Variants in MECOM observed in about 807,000 individuals in gnomAD.
The protein encoded by MECOM is MDS1 and EVI1 complex locus, also known as histone-lysine N-methyltransferase MECOM.
A neutral mutation model predicts 116.3 loss-of-function variants in MECOM; 13 were observed. That is an observed-to-expected ratio of 0.11 (90% CI 0.07 to 0.18). MECOM has a LOEUF of 0.18. Ranked by LOEUF, MECOM falls within the 10% of genes least tolerant of loss-of-function variation. The probability of loss-of-function intolerance (pLI) is 1.00; values close to 1 mark genes in which losing one functional copy is unlikely to be tolerated. For synonymous variants in MECOM, 528 were observed against 535.2 expected, an observed-to-expected ratio of 0.99 and a Z score of 0.19; for missense variants, 1,299 against 1,509.0, an observed-to-expected ratio of 0.86 and a Z score of 2.31.
At chr3:169,125,312 C>A (rs1274761204) in intron 5 of MECOM, among the ~76,000 whole-genome samples, 1 of 152,078 alleles carries the variant, frequency 6.6e-6, no homozygotes, top group South Asian at 2.1e-4. Flanking sequence ...GGGACATCCT[C>A]CAAAATCACT....
chr3:169,313,711 GA>G (rs1356431310), intron 2 of MECOM, among the ~76,000 whole-genome samples: 1 of 152,202 alleles, frequency 6.6e-6, no homozygotes, highest in East Asian at 1.9e-4. Flanking sequence ...GTGAAGAGGG[GA>G]AAAGGTATAG....
intron 2 of MECOM, among the ~76,000 whole-genome samples, chr3:169,262,035 A>T (rs1202300949): frequency 1.3e-5 from 2 of 152,168 alleles, no homozygotes; most frequent in Non-Finnish European, 2.9e-5. Context: ...TGTTTATGGA[A>T]CGTCTACCCT....
chr3:169,584,834 T>G (rs934971292), intron 1 of MECOM, among the ~76,000 whole-genome samples: 10 of 152,146 alleles, frequency 6.6e-5, no homozygotes, highest in African/African-American at 2.4e-4. Flanking sequence ...TATTCACATT[T>G]TAAAGAATGA....
At chr3:169,483,869 G>A (rs957317501) in intron 1 of MECOM, 38 of 1,610,846 alleles carry the variant, frequency 2.4e-5, no homozygotes, top group Non-Finnish European at 3.1e-5. Context: ...TGCTCCTTTC[G>A]ATGGTCACCA....
At chr3:169,573,200 G>A (rs546316582) in intron 1 of MECOM, among the ~76,000 whole-genome samples, 12 of 152,218 alleles carry the variant, frequency 7.9e-5, no homozygotes, top group Non-Finnish European at 1.6e-4. Context: ...GGAGGGAGCC[G>A]GTTTTGTTTT....
intron 2 of MECOM, among the ~76,000 whole-genome samples, chr3:169,341,964 T>C (rs1195958507): frequency 6.6e-6 from 1 of 152,132 alleles, no homozygotes; most frequent in Non-Finnish European, 1.5e-5. Flanking sequence ...CATACATATA[T>C]ACACCCACTA....
At chr3:169,607,876 C>T (rs1272981949) in intron 1 of MECOM, among the ~76,000 whole-genome samples, 3 of 152,184 alleles carry the variant, frequency 2.0e-5, no homozygotes, top group African/African-American at 7.2e-5. Context: ...GGGTTTTATC[C>T]CCTCTTCCTT....
intron 4 of MECOM, 47 bp downstream of exon 4, chr3:169,131,382 A>C: frequency 2.4e-5 from 34 of 1,396,256 alleles, no homozygotes; most frequent in Non-Finnish European, 3.2e-5. Flanking sequence ...GCTACTTTAT[A>C]GTCGCGATGA....
At chr3:169,345,645 G>A (rs139544148) in intron 2 of MECOM, among the ~76,000 whole-genome samples, 30 of 152,208 alleles carry the variant, frequency 2.0e-4, no homozygotes, top group Non-Finnish European at 3.4e-4. Flanking sequence ...TCATTACCAG[G>A]AGAGCTGAAG....
intron 1 of MECOM, among the ~76,000 whole-genome samples, chr3:169,442,226 A>G (rs954119938): frequency 2.0e-5 from 3 of 151,962 alleles, no homozygotes; most frequent in African/African-American, 7.3e-5. Flanking sequence ...ATATCCAGCC[A>G]ATTTTTGTAT....
intron 1 of MECOM, among the ~76,000 whole-genome samples, chr3:169,388,199 C>A (rs570259120): frequency 4.6e-5 from 7 of 152,046 alleles, no homozygotes; most frequent in African/African-American, 1.7e-4. Flanking sequence ...GCTAACAGTG[C>A]GGCAGGGAAG....
chr3:169,433,239 C>G (rs539450169), intron 1 of MECOM, among the ~76,000 whole-genome samples: 1 of 152,076 alleles, frequency 6.6e-6, no homozygotes, highest in South Asian at 2.1e-4. Flanking sequence ...GAGGCCAAGG[C>G]GGGTGGATCA....
At chr3:169,132,522 A>G (rs1387486713) in intron 3 of MECOM, among the ~76,000 whole-genome samples, 1 of 152,172 alleles carries the variant, frequency 6.6e-6, no homozygotes, top group Non-Finnish European at 1.5e-5. Context: ...TTATTAAACA[A>G]TCCCATAATC....
chr3:169,522,843 G>C (rs755513614), intron 1 of MECOM, among the ~76,000 whole-genome samples: 1 of 152,200 alleles, frequency 6.6e-6, no homozygotes, highest in African/African-American at 2.4e-5. Flanking sequence ...CTCTGAAGTA[G>C]TGAATGTTTT....
chr3:169,296,375 CA>C (rs1237520222), intron 2 of MECOM, among the ~76,000 whole-genome samples: 2 of 152,182 alleles, frequency 1.3e-5, no homozygotes, highest in African/African-American at 4.8e-5. Flanking sequence ...TTCTTGGCGG[CA>C]GGCTGGTGGA....
intron 2 of MECOM, among the ~76,000 whole-genome samples, chr3:169,180,798 T>C (rs1745864613): frequency 9.0e-6 from 1 of 111,454 alleles, no homozygotes; most frequent in East Asian, 2.4e-4. Flanking sequence ...GGAGATGATA[T>C]ATATATATAT....
intron 2 of MECOM, among the ~76,000 whole-genome samples, chr3:169,258,172 A>G (rs1231782962): frequency 6.6e-6 from 1 of 152,202 alleles, no homozygotes; most frequent in African/African-American, 2.4e-5. Flanking sequence ...CTGAGCCAAG[A>G]TCGCGCCACT....
intron 2 of MECOM, among the ~76,000 whole-genome samples, chr3:169,164,611 C>T (rs1292727757): frequency 6.6e-6 from 1 of 152,124 alleles, no homozygotes; most frequent in Non-Finnish European, 1.5e-5. Flanking sequence ...TTACATTTTT[C>T]ACTTAGATTT....
chr3:169,632,138 T>C (rs962660232), intron 1 of MECOM, among the ~76,000 whole-genome samples: 1 of 152,146 alleles, frequency 6.6e-6, no homozygotes, highest in Admixed American at 6.5e-5. Flanking sequence ...TTAGCTATCC[T>C]CTGTTCTCAG....
Sources: allele counts gnomAD v4.1 joint callset (sites outside exome capture counted in the v4.1 genomes callset), GRCh38; gene constraint gnomAD v4.1.1; transcripts MANE v1.5; gene names NCBI Gene and HGNC (gene_info 2026-07-23, HGNC 2026-07-21).